Variants in ZNF436 observed in about 807,000 individuals in gnomAD.
ZNF436 encodes DNA-binding protein.
ZNF436 carries 22 observed loss-of-function variants against 41.9 expected under a neutral mutation model. The observed-to-expected ratio is 0.53, with a 90% confidence interval of 0.38 to 0.75. The LOEUF (loss-of-function observed/expected upper bound fraction) is 0.75, where lower values mean the gene tolerates loss of function less well. Ranked by LOEUF, ZNF436 falls within the 30% of genes least tolerant of loss-of-function variation. ZNF436 has a pLI of 0.00. For missense variants in ZNF436, 506 were observed against 587.3 expected (o/e 0.86, Z 1.43); for synonymous variants, 217 against 197.8 (o/e 1.10, Z -0.82).
In ZNF436 at chr1:23,360,779, G is replaced by C. The variant is rs569770838; in HGVS notation, c.*1190C>G. 1 of 152,778 alleles carries C rather than the reference G, an allele frequency of 6.5e-6. No individual in the cohort carries two copies. The highest frequency in any genetic ancestry group is 2.1e-4 in the South Asian group (1 of 4,824). 9.5% of individuals were successfully genotyped at this position (152,778 alleles called of 1,614,324 possible). A position where few individuals can be genotyped will look rare whatever the true frequency, so the allele number is the denominator to read the frequency against. ...CTGTACAAAGACAGACCTTACAGGA[G>C]AGTGCACACTAAAGCACTAGTGTTT... On this transcript the variant is annotated 3_prime_UTR_variant, in exon 4 of 4. Coordinates refer to ENST00000314011, the MANE Select transcript of ZNF436 (RefSeq NM_001077195.2).
chr1:23,360,907 A>G lies in ZNF436; in HGVS notation c.*1062T>C, dbSNP rs1646991647. On this transcript the variant is annotated 3_prime_UTR_variant, in exon 4 of 4. Coordinates refer to ENST00000314011, the MANE Select transcript of ZNF436 (RefSeq NM_001077195.2). ...ACCCAAGAACATGCTAAGTCTCTGT[A>G]AATTCAGTTTCTATTAGAAAAACCA... 6.5e-6 allele frequency: 1 copy of G among 152,692 alleles called. No individual in the cohort carries two copies. The highest frequency in any genetic ancestry group is 6.5e-5 in the Admixed American group (1 of 15,284). The allele number at this position is 152,692 out of a possible 1,614,324, so 9.5% of individuals were successfully genotyped here. A position where few individuals can be genotyped will look rare whatever the true frequency, so the allele number is the denominator to read the frequency against.
At chr1:23,367,931 G>A (rs1638397844) in intron 2 of ZNF436, 42 bp downstream of exon 2, 1 of 1,609,880 alleles carries the variant, frequency 6.2e-7, no homozygotes. Context: ...CGGACGAGGT[G>A]GGTAAGCAGA....
chr1:23,362,901 T>C lies in ZNF436; in HGVS notation c.481A>G (p.Thr161Ala). Reference sequence around the variant, plus strand: ...TAACATTTATAGGGTCTGTCTCCAGTGTGGGTCTTCTGATGTCGATTAAGG... The same window carrying C: ...TAACATTTATAGGGTCTGTCTCCAGCGTGGGTCTTCTGATGTCGATTAAGG... ...SDLNRHQKTH[T>A]GDRPYKCYEC... The change falls in exon 4 of 4, where the codon ACT (threonine) becomes GCT (alanine). Residue 161 changes from threonine (T) to alanine (A), a missense_variant. By Grantham distance (58) the Thr-to-Ala change is moderately conservative (BLOSUM62 0). This residue lies in a region of ZNF436 where 228 missense variants were observed against 215.1 expected (regional missense o/e 1.06). Coordinates refer to ENST00000314011, the MANE Select transcript of ZNF436 (RefSeq NM_001077195.2). 12 of 1,614,216 alleles carry C rather than the reference T, an allele frequency of 7.4e-6. No homozygotes were observed. Among genetic ancestry groups the C allele is most frequent in the Non-Finnish European group, 1.0e-5 (12 of 1,180,044 alleles).
At position 23,362,371 on chromosome 1, in the gene ZNF436, G is replaced by A. The variant is rs750753476; in HGVS notation, c.1011C>T (p.Asn337=). 1.3e-5 allele frequency: 21 copies of A among 1,613,724 alleles called. No individual in the cohort carries two copies. The highest frequency in any genetic ancestry group is 3.3e-5 in the South Asian group (3 of 91,078). Residue 337 remains asparagine, a synonymous_variant, in exon 4 of 4, where the codon AAC becomes AAT. Coordinates refer to ENST00000314011, the MANE Select transcript of ZNF436 (RefSeq NM_001077195.2). ...AHTGEKPYHC[N]ECGENFSRIS... is the part of the protein sequence containing the mutation. ...TGCGGCTGAAATTTTCCCCACATTCGTTACAGTGGTATGGCTTCTCTCCCG... is the reference window on the plus strand; with the variant it reads ...TGCGGCTGAAATTTTCCCCACATTCATTACAGTGGTATGGCTTCTCTCCCG...
rs569490573 is a variant in ZNF436 at position 23,363,953 on chromosome 1, G to A, written c.161-732C>T. On this transcript the variant is annotated intron_variant, in intron 3 of 3. Transcript: ENST00000314011. ...GCTACTCAGGAGGCTGAGGTAAGAG[G>A]ATCACTTGAGCCCAGGAGTTCAAGG... Among the ~76,000 whole-genome samples the A allele has an allele frequency of 2.0e-5, 3 of 152,164 alleles. No individual in the cohort carries two copies. The East Asian group carries it at 5.8e-4, about 29-fold the overall frequency.
At chr1:23,363,347 G>A (rs992014919) in intron 3 of ZNF436, 126 bp from the exon 4 acceptor site, 2 of 752,876 alleles carry the variant, frequency 2.7e-6, no homozygotes, top group Admixed American at 5.8e-5. Context: ...GGAGTGCAGT[G>A]GTGTGATCTT....
At chr1:23,363,408 C>G (rs1489708946) in intron 3 of ZNF436, among the ~76,000 whole-genome samples, 187 bp from the exon 4 acceptor site, 1 of 152,048 alleles carries the variant, frequency 6.6e-6, no homozygotes, top group Non-Finnish European at 1.5e-5. Context: ...CCTGTCTCAG[C>G]CTCCTGAGTA....
rs1638252186 is a variant in ZNF436, at chr1:23,362,164, A to C, written c.1218T>G (p.Ile406Met). The C allele has an allele frequency of 6.2e-7, 1 of 1,606,974 alleles. No homozygotes were observed. The highest frequency in any genetic ancestry group is 2.3e-5 in the East Asian group (1 of 44,270). Residue 406 changes from isoleucine (I) to methionine (M), a missense_variant, in exon 4 of 4, where the codon ATT becomes ATG. By Grantham distance (10) the Ile-to-Met change is conservative (BLOSUM62 1). This residue lies in a region of ZNF436 where 278 missense variants were observed against 372.1 expected (regional missense o/e 0.75). Transcript: ENST00000314011. ...WRSFGERSDL[I>M]KHQRTHTGEK... ...CCCCTGTGTGGGTTCTCTGATGTTT[A>C]ATTAGATCTGACCTTTCACCAAAGC...
Position 23,369,812 on chromosome 1 carries a change from C to T in ZNF436, c.-507G>A. The T allele has an allele frequency of 6.1e-6, 2 of 330,274 alleles. No homozygotes were observed. The highest frequency in any genetic ancestry group is 2.5e-5 in the South Asian group (1 of 40,628). 20.5% of individuals were successfully genotyped at this position (330,274 alleles called of 1,614,324 possible). A position where few individuals can be genotyped will look rare whatever the true frequency, so the allele number is the denominator to read the frequency against. On this transcript the variant is annotated 5_prime_UTR_variant, in exon 1 of 4. Transcript: ENST00000314011. The stretch of plus-strand genomic sequence containing the variant: ...ATTCTGCGTGGGGAAGAGCTCCCAG[C>T]TCGCTGTAGCCTTGGAGAGGGAAGT...
intron 3 of ZNF436, among the ~76,000 whole-genome samples, chr1:23,363,891 A>G (rs1171393286): frequency 2.6e-5 from 4 of 152,146 alleles, no homozygotes; most frequent in Non-Finnish European, 4.4e-5. Flanking sequence ...AAATTTAAAA[A>G]ATTAGGTGGA....
At chr1:23,369,258 C>G (rs1191570045) in intron 1 of ZNF436, 108 bp downstream of exon 1, 1 of 455,978 alleles carries the variant, frequency 2.2e-6, no homozygotes, top group Non-Finnish European at 4.6e-6. Flanking sequence ...ACCGAAGGGA[C>G]CCTGGGCGTC....
In ZNF436 at chr1:23,367,100, T is replaced by C; in HGVS notation, c.102A>G (p.Ala34=). 2 of 1,613,834 alleles carry C rather than the reference T, an allele frequency of 1.2e-6. No homozygotes were observed. The highest frequency in any genetic ancestry group is 2.7e-5 in the African/African-American group (2 of 75,042). Residue 34 remains alanine, a synonymous_variant, in exon 3 of 4, where the codon GCA becomes GCG. Coordinates refer to ENST00000314011, the MANE Select transcript of ZNF436 (RefSeq NM_001077195.2). The part of the protein sequence containing the change: ...TREEWRPLDA[A]QRDLYRDVMQ... ...TAACATCCCGGTAAAGGTCCCTCTG[T>C]GCAGCGTCCAGAGGTCTCCATTCTT...
At chr1:23,366,752 T>C (rs998023692) in intron 3 of ZNF436, among the ~76,000 whole-genome samples, 6 of 152,236 alleles carry the variant, frequency 3.9e-5, no homozygotes, top group African/African-American at 1.4e-4. Flanking sequence ...GCAAGCACTA[T>C]TATGCCAGAC....
intron 3 of ZNF436, among the ~76,000 whole-genome samples, chr1:23,364,622 T>C (rs1048351230): frequency 6.6e-6 from 1 of 152,250 alleles, no homozygotes; most frequent in Non-Finnish European, 1.5e-5. Flanking sequence ...TGTCACTTCC[T>C]ACTTTTCAGT....
rs1638280894 is a variant in ZNF436, at chr1:23,362,932, G to C, written c.450C>G (p.Ile150Met). The C allele has an allele frequency of 6.2e-7, 1 of 1,614,198 alleles. No homozygotes were observed. The highest frequency in any genetic ancestry group is 8.5e-7 in the Non-Finnish European group (1 of 1,180,020). The change falls in exon 4 of 4, where the codon ATC becomes ATG. Residue 150 changes from isoleucine to methionine, a missense_variant. By Grantham distance (10) the Ile-to-Met change is conservative. Around this residue, in one of 2 missense-constraint regions of ZNF436, gnomAD observed 228 missense variants for 215.1 expected, o/e 1.06. Coordinates refer to ENST00000314011, the MANE Select transcript of ZNF436 (RefSeq NM_001077195.2). ...CSHCGKAFSQ[I>M]SDLNRHQKTH... ...TCTTCTGATGTCGATTAAGGTCTGA[G>C]ATCTGACTGAAGGCCTTTCCACAAT...
At chr1:23,367,229 T>C in intron 2 of ZNF436, 61 bp from the exon 3 acceptor site, 11 of 1,509,390 alleles carry the variant, frequency 7.3e-6, no homozygotes, top group South Asian at 1.3e-5. Flanking sequence ...ATTAGAAACA[T>C]GATTAGAAAT....
In ZNF436 at chr1:23,369,542, C is replaced by A; in HGVS notation, c.-237G>T. On this transcript the variant is annotated 5_prime_UTR_variant, in exon 1 of 4. Transcript: ENST00000314011. Reference sequence around the variant, plus strand: ...GATCTCGAATTCGTAGACTTGCAGGCGAAGCCCAGATATCGTAGGCTGATC... The same window carrying A: ...GATCTCGAATTCGTAGACTTGCAGGAGAAGCCCAGATATCGTAGGCTGATC... The A allele has an allele frequency of 1.9e-6, 1 of 532,770 alleles. No homozygotes were observed. Among genetic ancestry groups the A allele is most frequent in the Non-Finnish European group, 3.9e-6 (1 of 258,820 alleles). 33.0% of individuals were successfully genotyped at this position (532,770 alleles called of 1,614,324 possible).
chr1:23,368,089 G>A (rs1442425755), intron 1 of ZNF436, 24 bp from the exon 2 acceptor site: 15 of 1,517,200 alleles, frequency 9.9e-6, no homozygotes, highest in Non-Finnish European at 6.4e-6. Context: ...AAAGCAGGGC[G>A]TGAGGCACGG....
chr1:23,362,217 G>C lies in ZNF436; in HGVS notation c.1165C>G (p.Pro389Ala), dbSNP rs769587774. 5 of 1,613,924 alleles carry C rather than the reference G, an allele frequency of 3.1e-6. No individual in the cohort carries two copies. In the South Asian group the frequency reaches 3.3e-5, roughly 11 times the overall value. ...CGCCAACACTCATTACACTCATAAG[G>C]CTTCTCTCCAGTGTGAATTTTCTGG... Reference protein sequence around the residue: ...THQKIHTGEKPYECNECWRSF... With the variant: ...THQKIHTGEKAYECNECWRSF... Residue 389 changes from proline (P) to alanine (A), a missense_variant, in exon 4 of 4, where the codon CCT becomes GCT. Transcript: ENST00000314011.
Sources: gnomAD v4.1 joint callset for allele counts (sites outside exome capture counted in the v4.1 genomes callset) on GRCh38, gnomAD v4.1.1 for gene constraint, gnomAD v4.1.1 regional missense constraint, MANE v1.5 for transcripts, NCBI Gene and HGNC (gene_info 2026-07-23, HGNC 2026-07-21) for gene names.